The following GTPBP1 variants were observed in gnomAD, a reference collection of about 807,000 sequenced individuals.
GTPBP1 encodes the protein GTP binding protein 1.
A neutral mutation model predicts 62.0 loss-of-function variants in GTPBP1; 23 were observed. That is an observed-to-expected ratio of 0.37 (90% CI 0.27 to 0.53). The LOEUF is 0.53. Among genes scored for constraint, GTPBP1 ranks in the 20% least tolerant of loss-of-function variants. The pLI is 0.89. For synonymous variants in GTPBP1, 344 were observed against 364.4 expected (o/e 0.94, Z 0.64); for missense variants, 640 against 917.3 (o/e 0.70, Z 3.90).
chr22:38,709,060 A>G, intron 2 of GTPBP1, 104 bp downstream of exon 2: 1 of 674,378 alleles, frequency 1.5e-6, no homozygotes, highest in East Asian at 2.9e-5. Flanking sequence ...AGACGGGTGG[A>G]TCACCTGAGG....
chr22:38,710,664 C>T (rs903852661), intron 2 of GTPBP1, among the ~76,000 whole-genome samples: 2 of 152,050 alleles, frequency 1.3e-5, no homozygotes, highest in African/African-American at 4.8e-5. Context: ...CATTGGTAGC[C>T]TTTTGAAGCT....
chr22:38,715,991 A>C lies in GTPBP1; in HGVS notation c.389A>C (p.Asp130Ala), dbSNP rs756180735. The change falls in exon 3 of 12, where the codon GAT becomes GCT. Residue 130 changes from aspartate to alanine, a missense_variant. This residue lies in a region of GTPBP1 where 215 missense variants were observed against 235.1 expected (regional missense o/e 0.91). Coordinates refer to ENST00000216044, the MANE Select transcript of GTPBP1 (RefSeq NM_004286.5). Reference sequence around the variant, plus strand: ...AGCATGGCGGAACAGATAGAGGCCGATGTCATCCTTCTGCGGGAACGGCAA... The same window carrying C: ...AGCATGGCGGAACAGATAGAGGCCGCTGTCATCCTTCTGCGGGAACGGCAA... ...VKSMAEQIEA[D>A]VILLRERQEA... 1.9e-6 allele frequency: 3 copies of C among 1,614,066 alleles called. No individual in the cohort carries two copies. The African/African-American group carries it at 4.0e-5, about 22-fold the overall frequency.
Position 38,708,936 on chromosome 22 carries a change from A to G in GTPBP1, c.284A>G (p.Tyr95Cys). 1.3e-6 allele frequency: 2 copies of G among 1,591,414 alleles called. No homozygotes were observed. Among genetic ancestry groups the G allele is most frequent in the Non-Finnish European group, 1.7e-6 (2 of 1,159,186 alleles). ...RMDEGCGETI[Y>C]VIGQGSDGTE... ...GACGAGGGATGCGGAGAGACCATAT[A>G]TGTCATTGGGCAGGGATCAGGTGAG... The change falls in exon 2 of 12, where the codon TAT (tyrosine) becomes TGT (cysteine). Residue 95 changes from tyrosine (Y) to cysteine (C), a missense_variant. Transcript: ENST00000216044.
downstream of GTPBP1, chr22:38,739,001 A>G (rs1197110815): frequency 1.1e-5 from 18 of 1,601,576 alleles, no homozygotes; most frequent in Non-Finnish European, 1.5e-5. The surrounding 1 kb of genome is among the most constrained non-coding windows in gnomAD (Gnocchi z 6.7). Context: ...GAGACAGGAG[A>G]GGAAGGCAGG....
At chr22:38,710,954 C>CA (rs1197051173) in intron 2 of GTPBP1, among the ~76,000 whole-genome samples, 19 of 152,160 alleles carry the variant, frequency 1.2e-4, no homozygotes, top group African/African-American at 4.1e-4. Flanking sequence ...CATTTATTAA[C>CA]ACATCTGTAC....
chr22:38,739,160 G>A, downstream of GTPBP1: 2 of 889,240 alleles, frequency 2.2e-6, no homozygotes, highest in Non-Finnish European at 3.6e-6. The surrounding 1 kb of genome is among the most constrained non-coding windows in gnomAD (Gnocchi z 6.7). Context: ...GGCCCAGGAT[G>A]GTACTCGGTA....
At chr22:38,706,547 C>G (rs1475204932) in intron 1 of GTPBP1, 1 of 165,112 alleles carries the variant, frequency 6.1e-6, no homozygotes, top group African/African-American at 2.4e-5. Context: ...TCTCCTCTCC[C>G]TGGACCGCGC....
At chr22:38,737,052 C>T (rs780522708), downstream of GTPBP1, among the ~76,000 whole-genome samples, 1 of 152,158 alleles carries the variant, frequency 6.6e-6, no homozygotes, top group African/African-American at 2.4e-5. This position sits in a 1 kb window ranked among gnomAD's most constrained non-coding sequence, Gnocchi z 4.1. Flanking sequence ...TCGCTGTGTT[C>T]ACCAGCCTGG....
chr22:38,718,784 C>T (rs769818471), intron 4 of GTPBP1, among the ~76,000 whole-genome samples: 47 of 152,206 alleles, frequency 3.1e-4, no homozygotes, highest in Non-Finnish European at 6.2e-4. Flanking sequence ...CTCCCAGAGG[C>T]AACCAGTGTT....
downstream of GTPBP1, chr22:38,739,954 C>T: frequency 6.2e-7 from 1 of 1,607,690 alleles, no homozygotes; most frequent in Non-Finnish European, 8.5e-7. This position sits in a 1 kb window ranked among gnomAD's most constrained non-coding sequence, Gnocchi z 6.7. Flanking sequence ...CTATAGGAAC[C>T]CAAAGGGGTG....
Position 38,716,614 on chromosome 22 carries a change from T to C in GTPBP1, c.486-38T>C, listed in dbSNP as rs1051435518. 2.0e-5 allele frequency: 29 copies of C among 1,457,788 alleles called. No individual in the cohort carries two copies. Among genetic ancestry groups the C allele is most frequent in the Non-Finnish European group, 2.7e-5 (28 of 1,052,608 alleles). The allele number at this position is 1,457,788 out of a possible 1,614,324, so 90.3% of individuals were successfully genotyped here. ...TGGTCGCTCCACCTCACTCATTCAC[T>C]AACTCTCACATAGATGTATGGGTTC... On this transcript the variant is annotated intron_variant, in intron 3 of 11. Transcript: ENST00000216044. The surrounding 1 kb of genome is among the most constrained non-coding windows in gnomAD (Gnocchi z 5.2).
chr22:38,723,075 T>G (rs1448337032), intron 5 of GTPBP1: 2 of 774,562 alleles, frequency 2.6e-6, no homozygotes, highest in South Asian at 1.4e-5. Context: ...CTTGGTGTAT[T>G]TATCCAGGCA....
downstream of GTPBP1, among the ~76,000 whole-genome samples, chr22:38,740,107 C>T (rs111948013): frequency 3.9e-5 from 6 of 152,340 alleles, no homozygotes; most frequent in South Asian, 2.1e-4. The surrounding 1 kb of genome is among the most constrained non-coding windows in gnomAD (Gnocchi z 4.8). Context: ...ACAGGAAGAA[C>T]GCCTGTCAGT....
At chr22:38,722,006 A>C in intron 5 of GTPBP1, 141 bp downstream of exon 5, 1 of 471,552 alleles carries the variant, frequency 2.1e-6, no homozygotes, top group Non-Finnish European at 3.6e-6. Context: ...CAATATGTTT[A>C]TTTTTATTAT....
At position 38,716,056 on chromosome 22, in the gene GTPBP1, C is replaced by T. The variant is rs1249133946; in HGVS notation, c.454C>T (p.Arg152Ter). Residue 152 changes from arginine (R) to a stop codon, truncating the protein, a stop_gained, in exon 3 of 12, where the codon CGA becomes TGA. Coordinates refer to ENST00000216044, the MANE Select transcript of GTPBP1 (RefSeq NM_004286.5). LOFTEE classifies it high-confidence loss of function. This position sits in a 1 kb window ranked among gnomAD's most constrained non-coding sequence, Gnocchi z 5.2. ...CGTGCGTGATTACCTGGTCCGGAAA[C>T]GAGTAGGAGACAATGACTTCCTGGA... ...GRVRDYLVRK[R>*]VGDNDFLEVR... is the part of the protein sequence containing the mutation. 1.2e-6 allele frequency: 2 copies of T among 1,609,626 alleles called. No individual in the cohort carries two copies. Among genetic ancestry groups the T allele is most frequent in the Non-Finnish European group, 8.5e-7 (1 of 1,177,824 alleles).
At chr22:38,723,164 G>T (rs2092709844) in intron 5 of GTPBP1, 1 of 834,572 alleles carries the variant, frequency 1.2e-6, no homozygotes, top group African/African-American at 1.7e-5. Context: ...GTCACTAAAA[G>T]CAACAGTTTC....
downstream of GTPBP1, chr22:38,741,071 A>G (rs181169798): frequency 8.8e-6 from 14 of 1,585,584 alleles, no homozygotes; most frequent in African/African-American, 1.5e-4. Flanking sequence ...AGAAGGGACA[A>G]ATACAAGAAA....
At chr22:38,709,010 G>GT in intron 2 of GTPBP1, 54 bp downstream of exon 2, 2 of 1,099,946 alleles carry the variant, frequency 1.8e-6, no homozygotes, top group Non-Finnish European at 2.8e-6. Flanking sequence ...GCCGGGTGCG[G>GT]TGGCCCTGCC....
downstream of GTPBP1, chr22:38,737,654 G>A (rs9611015): frequency 0.1 from 34,876 of 340,966 alleles, 2,199 homozygotes; most frequent in East Asian, 0.17. This position sits in a 1 kb window ranked among gnomAD's most constrained non-coding sequence, Gnocchi z 4.1. Flanking sequence ...GGACTCCCCC[G>A]GTGTGGGGCT....
Sources: allele counts gnomAD v4.1 joint callset (sites outside exome capture counted in the v4.1 genomes callset), GRCh38; gene constraint gnomAD v4.1.1; regional missense constraint gnomAD v4.1.1; non-coding constraint Gnocchi (gnomAD v3.1); transcripts MANE v1.5; gene names NCBI Gene and HGNC (gene_info 2026-07-23, HGNC 2026-07-21).